The following MAP3K7CL variants were observed in gnomAD, a reference collection of about 807,000 sequenced individuals.
The protein encoded by MAP3K7CL is MAP3K7 C-terminal-like protein.
MAP3K7CL carries 16 observed loss-of-function variants against 18.6 expected under a neutral mutation model. The ratio of observed to expected loss-of-function variants is 0.86; its 90% CI spans 0.58 to 1.31. The LOEUF is 1.31. Ranked by LOEUF, MAP3K7CL falls within the 50% of genes most tolerant of loss-of-function variation. MAP3K7CL has a pLI of 0.00. For missense variants in MAP3K7CL, 163 were observed against 174.4 expected, an observed-to-expected ratio of 0.93 and a Z score of 0.37; for synonymous variants, 65 against 66.8, an observed-to-expected ratio of 0.97 and a Z score of 0.13.
chr21:29,114,271 G>T (rs1601177880), intron 4 of MAP3K7CL, among the ~76,000 whole-genome samples: 1 of 152,106 alleles, frequency 6.6e-6, no homozygotes, highest in East Asian at 1.9e-4. Flanking sequence ...GTTTCGCCAT[G>T]TTGACCAGGC....
chr21:29,169,919 C>A (rs565426011), intron 4 of MAP3K7CL, among the ~76,000 whole-genome samples: 1 of 152,120 alleles, frequency 6.6e-6, no homozygotes, highest in African/African-American at 2.4e-5. Flanking sequence ...TATTGAATGG[C>A]GTCATGTGGA....
At chr21:29,133,615 C>T (rs376566712) in intron 2 of MAP3K7CL, among the ~76,000 whole-genome samples, 13 of 152,116 alleles carry the variant, frequency 8.5e-5, no homozygotes, top group East Asian at 7.7e-4. Context: ...CTTGAGTTTT[C>T]GGGTCATTTA....
At chr21:29,142,105 C>T (rs570158915) in intron 2 of MAP3K7CL, among the ~76,000 whole-genome samples, 4 of 152,068 alleles carry the variant, frequency 2.6e-5, no homozygotes, top group Admixed American at 6.5e-5. Context: ...CACTCTGCCA[C>T]TCAGACTGGA....
At chr21:29,132,263 T>C (rs1450594865) in intron 1 of MAP3K7CL, among the ~76,000 whole-genome samples, 1 of 150,948 alleles carries the variant, frequency 6.6e-6, no homozygotes, top group Admixed American at 6.7e-5. Flanking sequence ...TTCATGTGTT[T>C]TTGCCCATTC....
intron 4 of MAP3K7CL, among the ~76,000 whole-genome samples, chr21:29,119,737 A>G (rs958474817): frequency 6.8e-6 from 1 of 146,888 alleles, no homozygotes; most frequent in Non-Finnish European, 1.5e-5. Context: ...ATCTCGGCTC[A>G]CTGCAACCTC....
chr21:29,145,984 T>C (rs540226866), intron 2 of MAP3K7CL, among the ~76,000 whole-genome samples: 1 of 152,282 alleles, frequency 6.6e-6, no homozygotes, highest in East Asian at 1.9e-4. Flanking sequence ...GACGTCGATT[T>C]CCACAACGGG....
Position 29,114,476 on chromosome 21 carries a change from G to A in MAP3K7CL, c.370+21895G>A, listed in dbSNP as rs1015703492. ...TGCAATCACGGCTCACTGCAACCTC[G>A]ACCTCTCGAGCTCAATTGATCCTCC... On this transcript the variant is annotated intron_variant, in intron 4 of 6. Transcript: ENST00000286791. Among the ~76,000 whole-genome samples the A allele has an allele frequency of 3.3e-5, 5 of 152,074 alleles. No homozygotes were observed. In the South Asian group the frequency reaches 1.0e-3, roughly 32 times the overall value.
At chr21:29,160,079 C>A in intron 4 of MAP3K7CL, 23 bp downstream of exon 4, 1 of 1,584,206 alleles carries the variant, frequency 6.3e-7, no homozygotes, top group South Asian at 1.1e-5. Flanking sequence ...CCCCCTCACT[C>A]TACATCTGAG....
chr21:29,128,581 C>G (rs868734839), upstream of MAP3K7CL, among the ~76,000 whole-genome samples: 1 of 152,174 alleles, frequency 6.6e-6, no homozygotes, highest in African/African-American at 2.4e-5. Flanking sequence ...GGATTACAGG[C>G]GTGAGCCACC....
Position 29,175,085 on chromosome 21 carries a change from G to C in MAP3K7CL, c.*193G>C. The C allele has an allele frequency of 2.1e-6, 1 of 477,986 alleles. No individual in the cohort carries two copies. Among genetic ancestry groups the C allele is most frequent in the South Asian group, 4.1e-5 (1 of 24,434 alleles). The allele number at this position is 477,986 out of a possible 1,614,324, so 29.6% of individuals were successfully genotyped here. On this transcript the variant is annotated 3_prime_UTR_variant, in exon 5 of 5. Transcript: ENST00000399928. ...GGATATTTTAAATGAGATCATTAAC[G>C]TGAAACTATTACTAGTATATGTTTT...
At chr21:29,101,741 G>T (rs1259008495) in intron 4 of MAP3K7CL, among the ~76,000 whole-genome samples, 1 of 152,082 alleles carries the variant, frequency 6.6e-6, no homozygotes, top group African/African-American at 2.4e-5. Flanking sequence ...CTTAGATGAT[G>T]ATATAAAACA....
chr21:29,157,907 A>C (rs907339102), intron 3 of MAP3K7CL, among the ~76,000 whole-genome samples: 2 of 152,176 alleles, frequency 1.3e-5, no homozygotes, highest in African/African-American at 4.8e-5. Flanking sequence ...GCTGCTCTCT[A>C]TGTTATCTTA....
At chr21:29,131,620 A>G (rs950428902) in intron 1 of MAP3K7CL, 17 of 152,210 alleles carry the variant, frequency 1.1e-4, no homozygotes, top group African/African-American at 4.1e-4. Context: ...TTAGAATTAC[A>G]TGATATGGAC....
chr21:29,118,994 A>C (rs974104165), intron 4 of MAP3K7CL, among the ~76,000 whole-genome samples: 1 of 152,046 alleles, frequency 6.6e-6, no homozygotes, highest in African/African-American at 2.4e-5. Flanking sequence ...TTTACTTCCC[A>C]CTTTTATGAG....
upstream of MAP3K7CL, chr21:29,085,748 G>C (rs1041162071): frequency 7.0e-6 from 7 of 999,378 alleles, no homozygotes; most frequent in African/African-American, 9.5e-5. Context: ...GGCATGGTTA[G>C]TATGTTGTTT....
exon 1 of MAP3K7CL, chr21:29,085,876 G>T (rs942570262): frequency 6.2e-7 from 1 of 1,614,138 alleles, no homozygotes; most frequent in South Asian, 1.1e-5. Flanking sequence ...TCAGCTGATT[G>T]CACCTTTAGA....
At chr21:29,138,537 T>A (rs2086932624) in intron 2 of MAP3K7CL, among the ~76,000 whole-genome samples, 1 of 152,234 alleles carries the variant, frequency 6.6e-6, no homozygotes, top group Admixed American at 6.5e-5. Flanking sequence ...TCAGCTAAGC[T>A]AAAAACTGGC....
chr21:29,174,821 G>A lies in MAP3K7CL; in HGVS notation c.358G>A (p.Ala120Thr), dbSNP rs919911885. 1 of 1,614,006 alleles carries A rather than the reference G, an allele frequency of 6.2e-7. No homozygotes were observed. The highest frequency in any genetic ancestry group is 1.3e-5 in the African/African-American group (1 of 74,896). ...LTEENRTLRL[A>T]QSQCVEQLEK... ...GGAGGAGAATCGGACGTTGAGGTTG[G>A]CCCAGTCTCAATGTGTGGAACAACT... Residue 120 changes from alanine to threonine, a missense_variant, in exon 5 of 5, where the codon GCC becomes ACC. Ala to Thr is a moderately conservative substitution (Grantham distance 58). Transcript: ENST00000399928.
chr21:29,086,811 G>C (rs919383338), intron 1 of MAP3K7CL, among the ~76,000 whole-genome samples: 1 of 152,138 alleles, frequency 6.6e-6, no homozygotes, highest in Non-Finnish European at 1.5e-5. Flanking sequence ...TTCACATATT[G>C]TATGTTAGGG....
Sources: gnomAD v4.1 joint callset for allele counts (sites outside exome capture counted in the v4.1 genomes callset) on GRCh38, gnomAD v4.1.1 for gene constraint, MANE v1.5 for transcripts, NCBI Gene and HGNC (gene_info 2026-07-23, HGNC 2026-07-21) for gene names.